The following ETNPPL variants were observed in gnomAD, a reference collection of about 807,000 sequenced individuals.
The protein encoded by ETNPPL is ethanolamine-phosphate phospho-lyase.
In ETNPPL, 30 loss-of-function variants were observed where a neutral mutation model predicts 55.5. The observed-to-expected ratio is 0.54, with a 90% confidence interval of 0.40 to 0.73. The LOEUF (loss-of-function observed/expected upper bound fraction) is 0.73. Among genes scored for constraint, ETNPPL ranks in the 30% least tolerant of loss-of-function variants. The pLI is 0.00. For missense variants in ETNPPL, 528 were observed against 607.9 expected (o/e 0.87, Z 1.38); for synonymous variants, 202 against 207.2 (o/e 0.98, Z 0.21).
In ETNPPL at chr4:108,746,794, AG is replaced by A; in HGVS notation, c.1139del (p.Pro380LeufsTer13). The A allele has an allele frequency of 6.2e-7, 1 of 1,614,002 alleles. No homozygotes were observed. Among genetic ancestry groups the A allele is most frequent in the South Asian group, 1.1e-5 (1 of 91,064 alleles). Reference protein sequence around the residue: ...DLVKDHLKRTPATAEAQHIIY... With the variant: ...DLVKDHLKRTXATAEAQHIIY... ...TGATGTGCTGAGCTTCAGCTGTGGCAGGGGTCCTTTTCAGATGGTCCTTCAC... is the reference window on the plus strand; with the variant it reads ...TGATGTGCTGAGCTTCAGCTGTGGCAGGGTCCTTTTCAGATGGTCCTTCAC... On this transcript the variant is annotated frameshift_variant, in exon 10 of 13. Transcript: ENST00000296486. LOFTEE classifies it high-confidence loss of function.
chr4:108,743,151 T>C (rs1451253743), intron 12 of ETNPPL, among the ~76,000 whole-genome samples: 5 of 152,342 alleles, frequency 3.3e-5, no homozygotes, highest in African/African-American at 1.2e-4. Context: ...TGTTCCTTTA[T>C]GCATCGAACT....
At chr4:108,746,239 C>A (rs747907442) in intron 11 of ETNPPL, among the ~76,000 whole-genome samples, 160 bp downstream of exon 11, 2 of 152,168 alleles carry the variant, frequency 1.3e-5, no homozygotes, top group African/African-American at 2.4e-5. Context: ...TTTCAGCTAT[C>A]TTTTTCTAGT....
rs1491255277 is a variant in ETNPPL, at chr4:108,747,147, TAA to T, written c.1083-298_1083-297del. 8.1e-3 allele frequency among the ~76,000 whole-genome samples: 250 copies of T among 30,952 alleles called. 32 individuals are homozygous for T. The highest frequency in any genetic ancestry group is 0.023 in the African/African-American group (222 of 9,586). 20.3% of individuals were successfully genotyped at this position (30,952 alleles called of 152,430 possible). A position where few individuals can be genotyped will look rare whatever the true frequency, so the allele number is the denominator to read the frequency against. On this transcript the variant is annotated intron_variant, in intron 9 of 12. Transcript: ENST00000296486. Reference sequence around the variant, plus strand: ...CATTATATATATATATATATATATATAATATATATATATATATTATATATATA... The same window carrying T: ...CATTATATATATATATATATATATATTATATATATATATATTATATATATA...
At chr4:108,756,380 G>A (rs376684346) in intron 4 of ETNPPL, 38 bp downstream of exon 4, 187 of 1,459,252 alleles carry the variant, frequency 1.3e-4, no homozygotes, top group Admixed American at 4.0e-4. Context: ...TGTCTCTGAA[G>A]AAGCTTCTTG....
chr4:108,750,099 GGGAAGGC>G (rs1457093826), intron 7 of ETNPPL, among the ~76,000 whole-genome samples: 1 of 152,134 alleles, frequency 6.6e-6, no homozygotes, highest in African/African-American at 2.4e-5. Context: ...TTTACTAATT[GGGAAGGC>G]TTGTGTAATG....
chr4:108,746,716 A>G lies in ETNPPL; in HGVS notation c.1172+46T>C, dbSNP rs867739604. On this transcript the variant is annotated intron_variant, in intron 10 of 12. Coordinates refer to ENST00000296486, the MANE Select transcript of ETNPPL (RefSeq NM_031279.4). ...CAAGCAAGCTTTCAAGTGGGTAGGC[A>G]TCCTGCAGCCAAGATACCAAACAGG... The G allele has an allele frequency of 7.6e-6, 12 of 1,573,974 alleles. No homozygotes were observed. In the Middle Eastern group the frequency reaches 1.9e-3, roughly 243 times the overall value.
intron 1 of ETNPPL, among the ~76,000 whole-genome samples, chr4:108,761,620 C>A (rs1011953487): frequency 6.6e-6 from 1 of 152,184 alleles, no homozygotes; most frequent in Admixed American, 6.5e-5. Context: ...TGGCTACACT[C>A]GTGCTTTTAG....
intron 5 of ETNPPL, among the ~76,000 whole-genome samples, chr4:108,753,972 TC>T (rs1257745740): frequency 1.4e-5 from 2 of 145,320 alleles, no homozygotes; most frequent in African/African-American, 2.6e-5. Context: ...CTTTTTCTTT[TC>T]TTTTTTTTTT....
chr4:108,748,231 T>C, intron 8 of ETNPPL, 72 bp from the exon 9 acceptor site: 1 of 1,205,388 alleles, frequency 8.3e-7, no homozygotes. Context: ...CCATGAGAAA[T>C]TTGGCTCATA....
intron 6 of ETNPPL, among the ~76,000 whole-genome samples, chr4:108,751,781 T>G (rs1053491582): frequency 1.3e-5 from 2 of 152,228 alleles, no homozygotes; most frequent in Admixed American, 1.3e-4. Flanking sequence ...TGCTGTACAA[T>G]TCCATGACTT....
intron 2 of ETNPPL, 132 bp downstream of exon 2, chr4:108,760,056 C>G: frequency 9.3e-7 from 1 of 1,070,558 alleles, no homozygotes; most frequent in Non-Finnish European, 1.4e-6. Flanking sequence ...GCGATTTTCC[C>G]CACTAGGACT....
Position 108,754,132 on chromosome 4 carries a change from C to T in ETNPPL, c.501+488G>A, listed in dbSNP as rs1196405611. ...GGGACTACAGGCACCTGCCACCACA[C>T]CTGGCTAATTTTTGTACTTTTTTTA... On this transcript the variant is annotated intron_variant, in intron 5 of 12. Transcript: ENST00000296486. 2.6e-5 allele frequency among the ~76,000 whole-genome samples: 4 copies of T among 151,952 alleles called. No homozygotes were observed. In the East Asian group the frequency reaches 7.8e-4, roughly 30 times the overall value.
rs146606272 is a variant in ETNPPL, at chr4:108,746,516, G to A, written c.1186C>T (p.Arg396Ter). Residue 396 changes from arginine (R) to a stop codon, truncating the protein, a stop_gained, in exon 11 of 13, where the codon CGA becomes TGA. Coordinates refer to ENST00000296486, the MANE Select transcript of ETNPPL (RefSeq NM_031279.4). LOFTEE classifies it high-confidence loss of function. ...GGTCCATCGGCACTGAGAAGCACTC[G>A]TTTTTCTTTCATCCTAATTTGTGTA... Reference protein sequence around the residue: ...QHIIYKMKEKRVLLSADGPHR... With the variant: ...QHIIYKMKEK The A allele has an allele frequency of 6.2e-6, 10 of 1,612,536 alleles. No individual in the cohort carries two copies. Among genetic ancestry groups the A allele is most frequent in the East Asian group, 2.2e-5 (1 of 44,868 alleles).
At chr4:108,760,406 A>T in intron 1 of ETNPPL, 100 bp from the exon 2 acceptor site, 1 of 585,152 alleles carries the variant, frequency 1.7e-6, no homozygotes, top group Non-Finnish European at 3.0e-6. Context: ...ACAGTTACAT[A>T]AAGGAAAGGG....
intron 11 of ETNPPL, among the ~76,000 whole-genome samples, chr4:108,744,127 G>A (rs1443947028): frequency 6.6e-6 from 1 of 152,118 alleles, no homozygotes; most frequent in Non-Finnish European, 1.5e-5. Context: ...CGGATGTGGT[G>A]GCACATGCCT....
chr4:108,753,057 C>A (rs1421158394), intron 5 of ETNPPL, 46 bp from the exon 6 acceptor site: 3 of 1,053,704 alleles, frequency 2.8e-6, no homozygotes, highest in Admixed American at 4.1e-5. Flanking sequence ...GCCTTTTCGA[C>A]AAACCTTAAA....
At chr4:108,759,684 A>T in intron 3 of ETNPPL, 65 bp downstream of exon 3, 1 of 1,521,996 alleles carries the variant, frequency 6.6e-7, no homozygotes, top group Non-Finnish European at 9.1e-7. Context: ...AAAAGGAAAG[A>T]TTTGTGTGCA....
rs764724380 is a variant in ETNPPL, at chr4:108,746,501, C to T, written c.1201G>A (p.Ala401Thr). Residue 401 changes from alanine (A) to threonine (T), a missense_variant, in exon 11 of 13, where the codon GCC (alanine) becomes ACC (threonine). Coordinates refer to ENST00000296486, the MANE Select transcript of ETNPPL (RefSeq NM_031279.4). The stretch of plus-strand genomic sequence containing the variant: ...AGTACATTTCTATGAGGTCCATCGG[C>T]ACTGAGAAGCACTCGTTTTTCTTTC... ...KMKEKRVLLS[A>T]DGPHRNVLKI... 3.7e-6 allele frequency: 6 copies of T among 1,613,096 alleles called. No homozygotes were observed. In the Admixed American group the frequency reaches 1.0e-4, roughly 27 times the overall value.
At position 108,746,485 on chromosome 4, in the gene ETNPPL, C is replaced by A; in HGVS notation, c.1217G>T (p.Arg406Ile). The A allele has an allele frequency of 6.2e-7, 1 of 1,613,560 alleles. No individual in the cohort carries two copies. Among genetic ancestry groups the A allele is most frequent in the Non-Finnish European group, 8.5e-7 (1 of 1,179,952 alleles). ...AGGTGGTTTTATTTTAAGTACATTT[C>A]TATGAGGTCCATCGGCACTGAGAAG... ...RVLLSADGPH[R>I]NVLKIKPPMC... The change falls in exon 11 of 13, where the codon AGA (arginine) becomes ATA (isoleucine). Residue 406 changes from arginine (R) to isoleucine (I), a missense_variant. Coordinates refer to ENST00000296486, the MANE Select transcript of ETNPPL (RefSeq NM_031279.4).
Sources: allele counts gnomAD v4.1 joint callset (sites outside exome capture counted in the v4.1 genomes callset), GRCh38; gene constraint gnomAD v4.1.1; transcripts MANE v1.5; gene names NCBI Gene and HGNC (gene_info 2026-07-23, HGNC 2026-07-21).